ZYX: variants seen among roughly 807,000 people sequenced by gnomAD.
The protein encoded by ZYX is zyxin-2.
Under a neutral mutation model 58.1 loss-of-function variants are expected in ZYX, and 37 were observed. That is an observed-to-expected ratio of 0.64 (90% CI 0.49 to 0.84). The LOEUF is 0.84. Ranked by LOEUF, ZYX falls within the 40% of genes least tolerant of loss-of-function variation. The pLI is 0.00. For synonymous variants in ZYX, 324 were observed against 321.1 expected (o/e 1.01, Z -0.10); for missense variants, 762 against 761.6 (o/e 1.00, Z -0.01).
chr7:143,384,070 A>G lies in ZYX; in HGVS notation c.1023+748A>G. 2.4e-6 allele frequency: 1 copy of G among 424,574 alleles called. No individual in the cohort carries two copies. Among genetic ancestry groups the G allele is most frequent in the South Asian group, 1.7e-5 (1 of 58,594 alleles). 26.3% of individuals were successfully genotyped at this position (424,574 alleles called of 1,614,324 possible). On this transcript the variant is annotated intron_variant, in intron 5 of 9. Transcript: ENST00000322764. The surrounding 1 kb of genome is among the most constrained non-coding windows in gnomAD (Gnocchi z 4.9). The stretch of plus-strand genomic sequence containing the variant: ...TCAAAATAGAAAAGCTGTAATTACA[A>G]AATGGTTCTTGCCTTCTAGTTCAGG...
At chr7:143,386,438 A>G (rs1053171105) in intron 5 of ZYX, among the ~76,000 whole-genome samples, 5 of 151,688 alleles carry the variant, frequency 3.3e-5, no homozygotes, top group Non-Finnish European at 5.9e-5. Context: ...GGAGATGGAG[A>G]GGTCTGGAAC....
At chr7:143,381,852 G>C (rs1294004922) in intron 2 of ZYX, 73 bp downstream of exon 2, 2 of 1,391,158 alleles carry the variant, frequency 1.4e-6, no homozygotes. Context: ...GGAATTTGGG[G>C]ATGTCTGGAA....
In ZYX at chr7:143,387,027, G is replaced by A. The variant is rs906805446; in HGVS notation, c.1024-1192G>A. ...GCACTGGAGAGCAAGGACTGACTGA[G>A]CCCCTTCACTGTGTCCCCAAGAGGC... On this transcript the variant is annotated intron_variant, in intron 5 of 9. Transcript: ENST00000322764. The surrounding 1 kb of genome is among the most constrained non-coding windows in gnomAD (Gnocchi z 5.8). 3.3e-5 allele frequency among the ~76,000 whole-genome samples: 5 copies of A among 152,144 alleles called. No homozygotes were observed. The highest frequency in any genetic ancestry group is 1.2e-4 in the African/African-American group (5 of 41,412).
Position 143,387,590 on chromosome 7 carries a change from G to A in ZYX, c.1024-629G>A, listed in dbSNP as rs528879434. On this transcript the variant is annotated intron_variant, in intron 5 of 9. Transcript: ENST00000322764. This position sits in a 1 kb window ranked among gnomAD's most constrained non-coding sequence, Gnocchi z 5.8. ...ATGGGAAGGTTGGGCTGGCCTAGGG[G>A]GTGGCCTTTGGACCTTCTCTGAGGC... Among the ~76,000 whole-genome samples the A allele has an allele frequency of 5.3e-5, 8 of 152,188 alleles. No homozygotes were observed. The highest frequency in any genetic ancestry group is 1.0e-4 in the Non-Finnish European group (7 of 68,028).
Position 143,390,091 on chromosome 7 carries a change from T to C in ZYX, c.1614+114T>C. The C allele has an allele frequency of 6.7e-7, 1 of 1,483,088 alleles. No homozygotes were observed. The highest frequency in any genetic ancestry group is 9.2e-7 in the Non-Finnish European group (1 of 1,090,122). 91.9% of individuals were successfully genotyped at this position (1,483,088 alleles called of 1,614,324 possible). A position where few individuals can be genotyped will look rare whatever the true frequency, so the allele number is the denominator to read the frequency against. ...GCATTCAGGAAACAGGGCTGTGATT[T>C]TGAGGGTGGCTCATGGTGGCACCCC... On this transcript the variant is annotated intron_variant, in intron 9 of 9. Transcript: ENST00000322764. This position sits in a 1 kb window ranked among gnomAD's most constrained non-coding sequence, Gnocchi z 4.3.
rs1173498341 is a variant in ZYX at position 143,383,266 on chromosome 7, C to T, written c.967C>T (p.Pro323Ser). 3.7e-6 allele frequency: 6 copies of T among 1,613,656 alleles called. No individual in the cohort carries two copies. Among genetic ancestry groups the T allele is most frequent in the African/African-American group, 1.3e-5 (1 of 74,904 alleles). Residue 323 changes from proline to serine, a missense_variant, in exon 5 of 10, where the codon CCC becomes TCC. Physicochemically the swap from Pro to Ser is moderately conservative, Grantham distance 74. Coordinates refer to ENST00000322764, the MANE Select transcript of ZYX (RefSeq NM_003461.5). Reference protein sequence around the residue: ...SFTYAQQREKPRVQEKQHPVP... With the variant: ...SFTYAQQREKSRVQEKQHPVP... Reference sequence around the variant, plus strand: ...CACCTATGCCCAGCAGAGGGAGAAGCCCCGAGTGCAGGAGAAGCAGCACCC... The same window carrying T: ...CACCTATGCCCAGCAGAGGGAGAAGTCCCGAGTGCAGGAGAAGCAGCACCC...
intron 5 of ZYX, among the ~76,000 whole-genome samples, chr7:143,385,686 T>TTTTTTTTTTTG (rs1491239378): frequency 3.7e-5 from 4 of 109,438 alleles, no homozygotes; most frequent in Non-Finnish European, 5.7e-5. Flanking sequence ...TTTTTTTTTT[T>TTTTTTTTTTTG]GGAGACGGAG....
Position 143,387,793 on chromosome 7 carries a change from T to TGTGTGTGCGC in ZYX, c.1024-417_1024-408dup, listed in dbSNP as rs1176650479. 6.3e-6 allele frequency: 3 copies of TGTGTGTGCGC among 472,808 alleles called. No individual in the cohort carries two copies. Among genetic ancestry groups the TGTGTGTGCGC allele is most frequent in the South Asian group, 1.5e-5 (1 of 64,568 alleles). The allele number at this position is 472,808 out of a possible 1,614,324, so 29.3% of individuals were successfully genotyped here. On this transcript the variant is annotated intron_variant, in intron 5 of 9. Transcript: ENST00000322764. The surrounding 1 kb of genome is among the most constrained non-coding windows in gnomAD (Gnocchi z 5.8). Reference sequence around the variant, plus strand: ...CTCAGCAGCAGGCAGGCCGGGTAGGTGTGTGTGCGCGTGTGTGCACGCCAT... The same window carrying TGTGTGTGCGC: ...CTCAGCAGCAGGCAGGCCGGGTAGGTGTGTGTGCGCGTGTGTGCGCGTGTGTGCACGCCAT...
chr7:143,389,082 G>A lies in ZYX; in HGVS notation c.1493+137G>A. ...CCCATGTCCTGTCTGTAAACAGCAG[G>A]GACCAAGTCATCGGGATGTAGCTGT... On this transcript the variant is annotated intron_variant, in intron 8 of 9. Coordinates refer to ENST00000322764, the MANE Select transcript of ZYX (RefSeq NM_003461.5). This position sits in a 1 kb window ranked among gnomAD's most constrained non-coding sequence, Gnocchi z 5.6. 2 of 1,027,290 alleles carry A rather than the reference G, an allele frequency of 1.9e-6. No individual in the cohort carries two copies. The highest frequency in any genetic ancestry group is 5.4e-5 in the Admixed American group (2 of 37,222). 63.6% of individuals were successfully genotyped at this position (1,027,290 alleles called of 1,614,324 possible). A position where few individuals can be genotyped will look rare whatever the true frequency, so the allele number is the denominator to read the frequency against.
Position 143,388,326 on chromosome 7 carries a change from T to C in ZYX, c.1131T>C (p.Asn377=), listed in dbSNP as rs1395798846. ...MQDMEHPQRQ[N]VAVNELCGRC... ...ACATGGAGCATCCTCAGAGGCAGAA[T>C]GTGGCTGTCAACGGTGAGCCCACCC... The change falls in exon 6 of 10, where the codon AAT becomes AAC. Residue 377 remains asparagine (N), a synonymous_variant. Coordinates refer to ENST00000322764, the MANE Select transcript of ZYX (RefSeq NM_003461.5). The surrounding 1 kb of genome is among the most constrained non-coding windows in gnomAD (Gnocchi z 7.5). 4 of 1,613,668 alleles carry C rather than the reference T, an allele frequency of 2.5e-6. No homozygotes were observed. Among genetic ancestry groups the C allele is most frequent in the Non-Finnish European group, 1.7e-6 (2 of 1,179,842 alleles).
rs1804641950 is a variant in ZYX at position 143,382,263 on chromosome 7, C to T, written c.224C>T (p.Pro75Leu). The change falls in exon 3 of 10, where the codon CCA becomes CTA. Residue 75 changes from proline (P) to leucine (L), a missense_variant. Physicochemically the swap from Pro to Leu is moderately conservative, Grantham distance 98. Transcript: ENST00000322764. ...CCTACCCCAGACTTTCCCCTGCCTC[C>T]ACCTCCCCTTGCTGGGGATGGCGAC... ...PPPPEDFPLP[P>L]PPLAGDGDDA... 1 of 1,612,694 alleles carries T rather than the reference C, an allele frequency of 6.2e-7. No individual in the cohort carries two copies. Among genetic ancestry groups the T allele is most frequent in the African/African-American group, 1.3e-5 (1 of 74,908 alleles).
chr7:143,381,785 C>T lies in ZYX; in HGVS notation c.208+6C>T, dbSNP rs754533359. 2 of 1,557,430 alleles carry T rather than the reference C, an allele frequency of 1.3e-6. No homozygotes were observed. Among genetic ancestry groups the T allele is most frequent in the East Asian group, 4.8e-5 (2 of 41,246 alleles). On this transcript the variant is annotated splice_donor_region_variant and intron_variant, in intron 2 of 9. Transcript: ENST00000322764. Reference sequence around the variant, plus strand: ...TCCCCCGCCGCCCCCGGAAGGTATGCGGCGGGGCTTGGGGAATGTACCCCG... The same window carrying T: ...TCCCCCGCCGCCCCCGGAAGGTATGTGGCGGGGCTTGGGGAATGTACCCCG...
intron 5 of ZYX, among the ~76,000 whole-genome samples, chr7:143,385,660 C>CCTTTTTTTTTTTTTT (rs1804833385): frequency 1.5e-5 from 1 of 68,960 alleles, no homozygotes; most frequent in African/African-American, 5.8e-5. Context: ...TGTGGTATAT[C>CCTTTTTTTTTTTTTT]TTTTTTTTTT....
chr7:143,384,072 ATGGTTCTTGCCTT>A lies in ZYX; in HGVS notation c.1023+751_1023+763del, dbSNP rs1804769854. The A allele has an allele frequency of 2.4e-6, 1 of 425,446 alleles. No homozygotes were observed. Among genetic ancestry groups the A allele is most frequent in the Non-Finnish European group, 4.9e-6 (1 of 204,762 alleles). The allele number at this position is 425,446 out of a possible 1,614,324, so 26.4% of individuals were successfully genotyped here. ...AAAATAGAAAAGCTGTAATTACAAA[ATGGTTCTTGCCTT>A]CTAGTTCAGGAAATAAGATCGTCCA... On this transcript the variant is annotated intron_variant, in intron 5 of 9. Transcript: ENST00000322764. The surrounding 1 kb of genome is among the most constrained non-coding windows in gnomAD (Gnocchi z 4.9).
intron 2 of ZYX, 70 bp from the exon 3 acceptor site, chr7:143,382,178 G>T (rs1804634640): frequency 1.5e-6 from 2 of 1,317,842 alleles, no homozygotes; most frequent in South Asian, 2.5e-5. Flanking sequence ...GGGTTAGAGC[G>T]GTTAACTGAG....
At position 143,387,533 on chromosome 7, in the gene ZYX, C is replaced by T. The variant is rs749215391; in HGVS notation, c.1024-686C>T. ...TACTGGCAGCGCTGTCCTTAACATC[C>T]ACCCCCCACTCCAGTCCCCGGGATC... On this transcript the variant is annotated intron_variant, in intron 5 of 9. Coordinates refer to ENST00000322764, the MANE Select transcript of ZYX (RefSeq NM_003461.5). The surrounding 1 kb of genome is among the most constrained non-coding windows in gnomAD (Gnocchi z 5.8). Among the ~76,000 whole-genome samples, 62 of 152,260 alleles carry T rather than the reference C, an allele frequency of 4.1e-4. No individual in the cohort carries two copies. Among genetic ancestry groups the T allele is most frequent in the Admixed American group, 1.6e-3 (24 of 15,302 alleles).
intron 1 of ZYX, 44 bp from the exon 2 acceptor site, chr7:143,381,513 C>T (rs1191387825): frequency 2.6e-6 from 4 of 1,556,326 alleles, no homozygotes; most frequent in Non-Finnish European, 3.5e-6. Context: ...GCCTGGGGCT[C>T]CTGAGCCCGG....
rs1353645935 is a variant in ZYX at position 143,389,781 on chromosome 7, C to T, written c.1494-76C>T. On this transcript the variant is annotated intron_variant, in intron 8 of 9. Coordinates refer to ENST00000322764, the MANE Select transcript of ZYX (RefSeq NM_003461.5). This position sits in a 1 kb window ranked among gnomAD's most constrained non-coding sequence, Gnocchi z 5.6. The stretch of plus-strand genomic sequence containing the variant: ...GCAGAGAAGTCTGCTTCCTTGCTGC[C>T]CAACCTGGCTTATGCGTGCGCACAC... 13 of 1,578,764 alleles carry T rather than the reference C, an allele frequency of 8.2e-6. No homozygotes were observed. Among genetic ancestry groups the T allele is most frequent in the Non-Finnish European group, 1.1e-5 (13 of 1,164,264 alleles).
Position 143,388,829 on chromosome 7 carries a change from G to A in ZYX, c.1377G>A (p.Thr459=), listed in dbSNP as rs75965463. The change falls in exon 8 of 10, where the codon ACG becomes ACA. Residue 459 remains threonine, a synonymous_variant. Transcript: ENST00000322764. This position sits in a 1 kb window ranked among gnomAD's most constrained non-coding sequence, Gnocchi z 7.5. ...TCACTGACCGCATGCTGAGGGCCAC[G>A]GGCAAGGCCTATCACCCGCACTGCT... is the stretch of plus-strand genomic sequence containing the variant. ...EPITDRMLRA[T]GKAYHPHCFT... 2,978 of 1,614,022 alleles carry A rather than the reference G, an allele frequency of 1.8e-3. 53 individuals carry two copies. The African/African-American group carries it at 0.034, about 18-fold the overall frequency.
Sources: gnomAD v4.1 joint callset for allele counts (sites outside exome capture counted in the v4.1 genomes callset) on GRCh38, gnomAD v4.1.1 for gene constraint, Gnocchi (gnomAD v3.1) non-coding constraint, MANE v1.5 for transcripts, NCBI Gene and HGNC (gene_info 2026-07-23, HGNC 2026-07-21) for gene names.